LOXL2: variants seen among roughly 807,000 people sequenced by gnomAD.
LOXL2 encodes lysyl oxidase like 2.
Under a neutral mutation model 93.0 loss-of-function variants are expected in LOXL2, and 70 were observed. That is an observed-to-expected ratio of 0.75 (90% CI 0.62 to 0.92). The LOEUF is 0.92. Ranked by LOEUF, LOXL2 falls within the 40% of genes least tolerant of loss-of-function variation. LOXL2 has a pLI of 0.00. For synonymous variants in LOXL2, 438 were observed against 413.2 expected (o/e 1.06, Z -0.73); for missense variants, 973 against 1,054.9 (o/e 0.92, Z 1.08).
At chr8:23,334,460 T>A (rs1013457274) in intron 4 of LOXL2, among the ~76,000 whole-genome samples, 1 of 152,254 alleles carries the variant, frequency 6.6e-6, no homozygotes, top group Non-Finnish European at 1.5e-5. Context: ...AAAACAGTCT[T>A]AAATTACTCC....
At chr8:23,391,566 G>A (rs936690111) in intron 1 of LOXL2, among the ~76,000 whole-genome samples, 1 of 152,140 alleles carries the variant, frequency 6.6e-6, no homozygotes, top group Non-Finnish European at 1.5e-5. Flanking sequence ...GTTTCTCAGA[G>A]CTAATAATCT....
chr8:23,298,239 T>G, intron 13 of LOXL2, 117 bp from the exon 14 acceptor site: 3 of 703,580 alleles, frequency 4.3e-6, no homozygotes, highest in Non-Finnish European at 7.6e-6. Flanking sequence ...TGTGCCCTCC[T>G]CAAAAGGACA....
Position 23,328,529 on chromosome 8 carries a change from C to T in LOXL2, c.1003G>A (p.Gly335Arg), listed in dbSNP as rs567518641. Residue 335 changes from glycine to arginine, a missense_variant, in exon 6 of 14, where the codon GGG becomes AGG. Coordinates refer to ENST00000389131, the MANE Select transcript of LOXL2 (RefSeq NM_002318.3). The part of the protein sequence containing the change: ...LVRLRGGAYI[G>R]EGRVEVLKNG... Reference sequence around the variant, plus strand: ...TTGAGCACCTCCACGCGGCCCTCCCCGATGTAGGCACCGCCTCTCAGTCGC... The same window carrying T: ...TTGAGCACCTCCACGCGGCCCTCCCTGATGTAGGCACCGCCTCTCAGTCGC... 37 of 1,614,026 alleles carry T rather than the reference C, an allele frequency of 2.3e-5. No individual in the cohort carries two copies. The highest frequency in any genetic ancestry group is 1.0e-4 in the Admixed American group (6 of 60,018).
intron 10 of LOXL2, among the ~76,000 whole-genome samples, chr8:23,307,982 T>G (rs912016524): frequency 4.5e-5 from 1 of 22,178 alleles, no homozygotes; most frequent in African/African-American, 1.1e-4. Context: ...AAGCCAAAGA[T>G]AGATTTCTGA....
In LOXL2 at chr8:23,317,072, C is replaced by G; in HGVS notation, c.1513G>C (p.Val505Leu). Residue 505 changes from valine to leucine, a missense_variant, in exon 9 of 14, where the codon GTC (valine) becomes CTC (leucine). Transcript: ENST00000389131. ...CCCGAGCACTTCACTCCACTCATGA[C>G]CACTTTGTTGCTGTTGACATCTCCG... is the stretch of plus-strand genomic sequence containing the variant. ...WHGDVNSNKVVMSGVKCSGTE... is the reference protein window; with the variant it reads ...WHGDVNSNKVLMSGVKCSGTE... 1.2e-6 allele frequency: 2 copies of G among 1,614,218 alleles called. No homozygotes were observed. The highest frequency in any genetic ancestry group is 1.7e-6 in the Non-Finnish European group (2 of 1,180,030).
At position 23,330,274 on chromosome 8, in the gene LOXL2, C is replaced by T. The variant is rs188599965; in HGVS notation, c.967-1709G>A. Among the ~76,000 whole-genome samples, 141 of 152,346 alleles carry T rather than the reference C, an allele frequency of 9.3e-4. 2 individuals are homozygous for T. Among genetic ancestry groups the T allele is most frequent in the East Asian group, 9.1e-3 (47 of 5,184 alleles). On this transcript the variant is annotated intron_variant, in intron 5 of 13. Coordinates refer to ENST00000389131, the MANE Select transcript of LOXL2 (RefSeq NM_002318.3). The stretch of plus-strand genomic sequence containing the variant: ...GCGTGAACCCGGGAGGCGGAGCTTG[C>T]AGTGAGCCGAGATTGCGCCACTGCA...
intron 1 of LOXL2, among the ~76,000 whole-genome samples, chr8:23,384,945 A>G (rs73226413): frequency 2.0e-5 from 3 of 152,136 alleles, no homozygotes; most frequent in Admixed American, 6.5e-5. Flanking sequence ...CTTTCCCAGC[A>G]TTCAACATGG....
Position 23,368,344 on chromosome 8 carries a change from C to G in LOXL2, c.8G>C (p.Arg3Thr). 1 of 1,611,254 alleles carries G rather than the reference C, an allele frequency of 6.2e-7. No homozygotes were observed. Among genetic ancestry groups the G allele is most frequent in the Non-Finnish European group, 8.5e-7 (1 of 1,179,882 alleles). ...GCTGCAGAGGTGGGAGCACAGAGGC[C>G]TCTCCATCCCTGTCTTCGGGCTGAT... Reference protein sequence around the residue: MERPLCSHLCSCL... With the variant: METPLCSHLCSCL... The change falls in exon 2 of 14, where the codon AGG becomes ACG. Residue 3 changes from arginine to threonine, a missense_variant. Arg to Thr is a moderately conservative substitution (Grantham distance 71). Transcript: ENST00000389131.
At chr8:23,346,282 A>T (rs916393545) in intron 3 of LOXL2, among the ~76,000 whole-genome samples, 3 of 152,130 alleles carry the variant, frequency 2.0e-5, no homozygotes, top group African/African-American at 7.2e-5. Context: ...TTAAAATTCA[A>T]GCTAAAACCT....
At chr8:23,312,407 A>G (rs920771014) in intron 9 of LOXL2, among the ~76,000 whole-genome samples, 3 of 138,800 alleles carry the variant, frequency 2.2e-5, no homozygotes, top group Non-Finnish European at 4.6e-5. Context: ...TCAATAAAAT[A>G]CTGGCAAACC....
chr8:23,342,500 C>T (rs550249006), intron 3 of LOXL2, among the ~76,000 whole-genome samples: 38 of 149,952 alleles, frequency 2.5e-4, no homozygotes, highest in African/African-American at 8.8e-4. Context: ...GGCGCGATCT[C>T]GGCTCACTGC....
chr8:23,322,966 G>T (rs1166879480), intron 6 of LOXL2, among the ~76,000 whole-genome samples: 2 of 152,202 alleles, frequency 1.3e-5, no homozygotes, highest in Admixed American at 6.5e-5. Flanking sequence ...AAAGATGAAG[G>T]TCACAACAGG....
intron 4 of LOXL2, among the ~76,000 whole-genome samples, chr8:23,335,919 T>C (rs1803782754): frequency 6.6e-6 from 1 of 152,186 alleles, no homozygotes. Flanking sequence ...TGACACGGAA[T>C]CTTGCTGAGG....
At chr8:23,301,881 G>T in intron 12 of LOXL2, 146 bp downstream of exon 12, 2 of 946,756 alleles carry the variant, frequency 2.1e-6, no homozygotes, top group Non-Finnish European at 3.1e-6. Flanking sequence ...TTAACTGATG[G>T]ACCGTGATGG....
chr8:23,341,240 T>G, intron 3 of LOXL2, 37 bp from the exon 4 acceptor site: 1 of 1,539,106 alleles, frequency 6.5e-7, no homozygotes, highest in Non-Finnish European at 9.0e-7. Flanking sequence ...AGGGTTACCC[T>G]ACTGGCCTGG....
chr8:23,301,218 C>T (rs919235920), intron 12 of LOXL2, among the ~76,000 whole-genome samples: 11 of 152,290 alleles, frequency 7.2e-5, no homozygotes, highest in Non-Finnish European at 1.5e-4. Context: ...TGGGTGAGGA[C>T]GTAGGAGAGA....
At chr8:23,366,626 T>C (rs924254239) in intron 2 of LOXL2, among the ~76,000 whole-genome samples, 3 of 152,198 alleles carry the variant, frequency 2.0e-5, no homozygotes, top group Non-Finnish European at 4.4e-5. Context: ...TAAGCTCCCT[T>C]GGGCGATTCT....
intron 1 of LOXL2, among the ~76,000 whole-genome samples, chr8:23,393,930 C>A (rs1047237565): frequency 6.6e-6 from 1 of 152,104 alleles, no homozygotes; most frequent in African/African-American, 2.4e-5. Context: ...CTGTGCTCAA[C>A]ACAGAATAGA....
intron 3 of LOXL2, among the ~76,000 whole-genome samples, chr8:23,354,069 A>G (rs1223543112): frequency 6.6e-6 from 1 of 152,200 alleles, no homozygotes; most frequent in Non-Finnish European, 1.5e-5. Context: ...GTGAAATTCC[A>G]TCAGCCAGGC....
Sources: gnomAD v4.1 joint callset for allele counts (sites outside exome capture counted in the v4.1 genomes callset) on GRCh38, gnomAD v4.1.1 for gene constraint, MANE v1.5 for transcripts, NCBI Gene and HGNC (gene_info 2026-07-23, HGNC 2026-07-21) for gene names.